The following PLCG2 variants were observed in gnomAD, a reference collection of about 807,000 sequenced individuals.
PLCG2 encodes phospholipase C gamma 2.
Under a neutral mutation model 175.6 loss-of-function variants are expected in PLCG2, and 69 were observed. The observed-to-expected ratio is 0.39, with a 90% CI of 0.32 to 0.48. The LOEUF is 0.48. PLCG2 is among the 20% of genes least tolerant of loss of function. The probability of loss-of-function intolerance (pLI) is 0.91; values close to 1 mark genes in which losing one functional copy is unlikely to be tolerated. For synonymous variants in PLCG2, 827 were observed against 624.0 expected (o/e 1.33, Z -4.85); for missense variants, 1,798 against 1,650.9 (o/e 1.09, Z -1.54).
At chr16:81,790,471 G>A (rs1486662255) in intron 2 of PLCG2, among the ~76,000 whole-genome samples, 3 of 152,160 alleles carry the variant, frequency 2.0e-5, no homozygotes, top group Admixed American at 2.0e-4. Flanking sequence ...GCCCTGGGTG[G>A]GGACTGTCAG....
At chr16:81,776,083 C>CGTTCTTTCTTTCTTGCTTTCTT, upstream of PLCG2, among the ~76,000 whole-genome samples, 1 of 81,950 alleles carries the variant, frequency 1.2e-5, no homozygotes, top group East Asian at 3.8e-4. Context: ...TTCTCTCTCT[C>CGTTCTTTCTTTCTTGCTTTCTT]TCTCTCTTTC....
At chr16:81,941,441 C>A (rs1910934967) in intron 30 of PLCG2, among the ~76,000 whole-genome samples, 1 of 152,150 alleles carries the variant, frequency 6.6e-6, no homozygotes, top group Non-Finnish European at 1.5e-5. Flanking sequence ...CCAGATGGTG[C>A]TTGGATGGCA....
rs1908184972 is a variant in PLCG2 at position 81,883,320 on chromosome 16, G to A, written c.744G>A (p.Arg248=). 6.2e-7 allele frequency: 1 copy of A among 1,614,106 alleles called. No homozygotes were observed. Among genetic ancestry groups the A allele is most frequent in the Non-Finnish European group, 8.5e-7 (1 of 1,179,992 alleles). The change falls in exon 9 of 33, where the codon AGG becomes AGA. Residue 248 remains arginine, a synonymous_variant. Transcript: ENST00000564138. ...ASAVYLHDFQ[R]FLIHEQQEHW... ...CTGTTTACCTGCATGACTTCCAGAG[G>A]TTTCTCATACATGAACAGCAGGTGA...
chr16:81,861,133 G>C (rs908876324), intron 5 of PLCG2, among the ~76,000 whole-genome samples: 3 of 152,110 alleles, frequency 2.0e-5, no homozygotes, highest in Non-Finnish European at 4.4e-5. Context: ...GAGCTCTTCA[G>C]TCCTTGTCTC....
At chr16:81,923,800 A>ACATAT (rs1258657033) in intron 22 of PLCG2, among the ~76,000 whole-genome samples, 1 of 152,218 alleles carries the variant, frequency 6.6e-6, no homozygotes, top group Non-Finnish European at 1.5e-5. Flanking sequence ...ACAGGTATCG[A>ACATAT]CATATCATAT....
chr16:81,786,881 C>G (rs4583233), intron 2 of PLCG2, among the ~76,000 whole-genome samples: 6 of 152,082 alleles, frequency 3.9e-5, no homozygotes, highest in African/African-American at 1.4e-4. Context: ...AAGGAGTCAA[C>G]TCAAATATTT....
intron 9 of PLCG2, among the ~76,000 whole-genome samples, chr16:81,884,160 G>A (rs1908235280): frequency 6.6e-6 from 1 of 152,186 alleles, no homozygotes; most frequent in South Asian, 2.1e-4. Context: ...AGACCTACCT[G>A]GCCAACATGG....
Position 81,923,622 on chromosome 16 carries a change from C to T in PLCG2, c.2417+28C>T, listed in dbSNP as rs4485361. ...AAGGCTGAGTGGAGGCTGGGCTGCT[C>T]GGCAGGTGGGCTTGACTTGTCCCTT... On this transcript the variant is annotated intron_variant, in intron 22 of 32. Transcript: ENST00000564138. The T allele has an allele frequency of 7.5e-4, 1,044 of 1,388,362 alleles. 2 individuals carry two copies. In the African/African-American group the frequency reaches 0.013, roughly 17 times the overall value. The allele number at this position is 1,388,362 out of a possible 1,614,324, so 86.0% of individuals were successfully genotyped here. A position where few individuals can be genotyped will look rare whatever the true frequency, so the allele number is the denominator to read the frequency against.
intron 15 of PLCG2, 57 bp downstream of exon 15, chr16:81,905,564 T>A: frequency 8.9e-7 from 1 of 1,125,720 alleles, no homozygotes; most frequent in Non-Finnish European, 1.4e-6. Flanking sequence ...AGCTGCTTCT[T>A]GGAGCCCTGC....
At chr16:81,743,465 C>T (rs562564631) in intron 1 of PLCG2, among the ~76,000 whole-genome samples, 6 of 152,218 alleles carry the variant, frequency 3.9e-5, no homozygotes, top group Non-Finnish European at 7.3e-5. Flanking sequence ...GAGCGACCTG[C>T]GTGGTCAAAA....
chr16:81,948,380 C>T (rs958724304), intron 31 of PLCG2, among the ~76,000 whole-genome samples: 3 of 152,012 alleles, frequency 2.0e-5, no homozygotes, highest in East Asian at 1.9e-4. Flanking sequence ...GCAAACTGGC[C>T]ATTTCTGGAG....
chr16:81,804,518 G>A (rs1003555002), intron 2 of PLCG2, among the ~76,000 whole-genome samples: 1 of 152,200 alleles, frequency 6.6e-6, no homozygotes, highest in Non-Finnish European at 1.5e-5. Flanking sequence ...CTTGGCTTGA[G>A]TCAAGAATCA....
At chr16:81,956,301 GT>G in intron 31 of PLCG2, among the ~76,000 whole-genome samples, 1 of 152,208 alleles carries the variant, frequency 6.6e-6, no homozygotes, top group East Asian at 1.9e-4. Context: ...ATGTCATGCT[GT>G]TTTTTTCTCC....
intron 31 of PLCG2, among the ~76,000 whole-genome samples, chr16:81,953,029 T>A (rs1030220649): frequency 1.3e-5 from 2 of 152,190 alleles, no homozygotes; most frequent in Non-Finnish European, 2.9e-5. Flanking sequence ...AAGGGTACAT[T>A]GCTTCTGTGA....
At chr16:81,876,789 G>T (rs539659332) in intron 7 of PLCG2, among the ~76,000 whole-genome samples, 5 of 152,208 alleles carry the variant, frequency 3.3e-5, no homozygotes, top group Non-Finnish European at 5.9e-5. Flanking sequence ...TGGTTAGGTA[G>T]AATCTGACCA....
intron 1 of PLCG2, among the ~76,000 whole-genome samples, chr16:81,781,868 C>CAT (rs1287000334): frequency 5.1e-5 from 1 of 19,550 alleles, no homozygotes; most frequent in Admixed American, 6.3e-4. Context: ...TGTCCTTTCC[C>CAT]CCCCCCCCCC....
intron 2 of PLCG2, among the ~76,000 whole-genome samples, chr16:81,842,217 C>G (rs1905871896): frequency 6.6e-6 from 1 of 152,186 alleles, no homozygotes; most frequent in Admixed American, 6.5e-5. Context: ...CTCTTCTTCC[C>G]AGGTGAGCTC....
At chr16:81,894,344 G>A (rs1238148756) in intron 12 of PLCG2, among the ~76,000 whole-genome samples, 1 of 152,140 alleles carries the variant, frequency 6.6e-6, no homozygotes, top group Non-Finnish European at 1.5e-5. Context: ...TGGGAGGATC[G>A]CTTGAGCCCA....
At chr16:81,889,543 A>G (rs1567517970) in intron 10 of PLCG2, 1 of 303,886 alleles carries the variant, frequency 3.3e-6, no homozygotes, top group East Asian at 5.0e-5. Context: ...CAATAGGGAA[A>G]GAGCTTAACT....
Sources: gnomAD v4.1 joint callset for allele counts (sites outside exome capture counted in the v4.1 genomes callset) on GRCh38, gnomAD v4.1.1 for gene constraint, MANE v1.5 for transcripts, NCBI Gene and HGNC (gene_info 2026-07-23, HGNC 2026-07-21) for gene names.